The following ANKRD30A variants were observed in gnomAD, a reference collection of about 807,000 sequenced individuals.
The protein encoded by ANKRD30A is ankyrin repeat domain 30A.
A neutral mutation model predicts 166.3 loss-of-function variants in ANKRD30A; 170 were observed. That is an observed-to-expected ratio of 1.02 (90% CI 0.90 to 1.16). The LOEUF is 1.16. ANKRD30A is among the 50% of genes most tolerant of loss of function. The pLI is 0.00. For missense variants in ANKRD30A, 1,630 were observed against 1,518.0 expected (o/e 1.07, Z -1.23); for synonymous variants, 564 against 508.9 (o/e 1.11, Z -1.46).
intron 13 of ANKRD30A, among the ~76,000 whole-genome samples, chr10:37,156,031 A>T (rs112312477): frequency 6.6e-6 from 1 of 152,090 alleles, no homozygotes; most frequent in South Asian, 2.1e-4. Context: ...TAGCGAGCCA[A>T]GATCTCGCCA....
At chr10:37,179,092 C>T (rs112157583) in intron 24 of ANKRD30A, among the ~76,000 whole-genome samples, 10,057 of 122,762 alleles carry the variant, frequency 0.082, 625 homozygotes, top group African/African-American at 0.2. Context: ...ATGTTTTTGA[C>T]GTTCACAATT....
At position 37,219,245 on chromosome 10, in the gene ANKRD30A, T is replaced by C. The variant is rs1197933784; in HGVS notation, c.3533T>C (p.Leu1178Pro). ...LKVLIAENTM[L>P]TSKLKEKQDK... ...GTTCTGATAGCTGAGAACACAATGC[T>C]CACTTCTAAATTGAAGGAAAAACAA... Residue 1178 changes from leucine to proline, a missense_variant, in exon 34 of 36, where the codon CTC becomes CCC. Leu to Pro is a moderately conservative substitution (Grantham distance 98). This residue lies in a region of ANKRD30A where 712 missense variants were observed against 629.3 expected (regional missense o/e 1.13). Transcript: ENST00000361713. 6.2e-6 allele frequency: 10 copies of C among 1,610,680 alleles called. No individual in the cohort carries two copies. Among genetic ancestry groups the C allele is most frequent in the Non-Finnish European group, 7.6e-6 (9 of 1,177,688 alleles).
intron 13 of ANKRD30A, among the ~76,000 whole-genome samples, chr10:37,157,579 G>A (rs1432432526): frequency 1.3e-5 from 2 of 152,054 alleles, no homozygotes; most frequent in African/African-American, 4.8e-5. Context: ...AGTGATTTTG[G>A]CCAGGCTGGT....
the ANKRD30A span, among the ~76,000 whole-genome samples, chr10:37,254,855 TGTGTTTTTAGTAGAGACGGGGCTTCACC>T: frequency 6.6e-6 from 1 of 151,966 alleles, no homozygotes; most frequent in African/African-American, 2.4e-5. Flanking sequence ...GCTAATTTTT[TGTGTTTTTAGTAGAGACGGGGCTTCACC>T]GTGTTAGCCA....
At chr10:37,193,954 G>T (rs1420388912) in intron 27 of ANKRD30A, among the ~76,000 whole-genome samples, 1 of 152,092 alleles carries the variant, frequency 6.6e-6, no homozygotes, top group Non-Finnish European at 1.5e-5. Flanking sequence ...TAGCAGTTTG[G>T]GAGAGAAAGG....
chr10:37,167,932 A>C (rs1220636108), intron 19 of ANKRD30A, among the ~76,000 whole-genome samples: 1 of 113,760 alleles, frequency 8.8e-6, no homozygotes, highest in Non-Finnish European at 1.8e-5. Context: ...AAATTATTAT[A>C]ATGTGTTGCC....
downstream of ANKRD30A, among the ~76,000 whole-genome samples, chr10:37,234,200 G>A (rs540552057): frequency 5.8e-4 from 88 of 152,178 alleles, no homozygotes; most frequent in African/African-American, 2.0e-3. Context: ...AGCTATCATA[G>A]ATAACTACGT....
intron 13 of ANKRD30A, among the ~76,000 whole-genome samples, chr10:37,155,871 G>T (rs1458800884): frequency 6.6e-6 from 1 of 152,044 alleles, no homozygotes; most frequent in Non-Finnish European, 1.5e-5. Context: ...CACAAGGTTA[G>T]GAGATCCAGA....
At chr10:37,243,379 C>T in the ANKRD30A span, among the ~76,000 whole-genome samples, 1 of 151,144 alleles carries the variant, frequency 6.6e-6, no homozygotes, top group African/African-American at 2.4e-5. Flanking sequence ...CTCCTGACCT[C>T]GTGATCCGCC....
At chr10:37,171,672 G>C (rs539738342) in intron 21 of ANKRD30A, among the ~76,000 whole-genome samples, 1 of 151,260 alleles carries the variant, frequency 6.6e-6, no homozygotes, top group East Asian at 1.9e-4. Flanking sequence ...AATGTCTGAA[G>C]TTGCACCTCT....
At chr10:37,192,453 T>C (rs2490110) in intron 25 of ANKRD30A, among the ~76,000 whole-genome samples, 1 of 151,990 alleles carries the variant, frequency 6.6e-6, no homozygotes, top group Non-Finnish European at 1.5e-5. Flanking sequence ...CTCGTATTTC[T>C]CAGAGGTACA....
chr10:37,261,252 A>G, the ANKRD30A span, among the ~76,000 whole-genome samples: 1 of 152,136 alleles, frequency 6.6e-6, no homozygotes, highest in African/African-American at 2.4e-5. Context: ...AAACAAGACA[A>G]GACAGGAAAA....
chr10:37,154,534 CAG>C (rs1444473469), intron 13 of ANKRD30A, among the ~76,000 whole-genome samples: 1 of 151,788 alleles, frequency 6.6e-6, no homozygotes, highest in Non-Finnish European at 1.5e-5. Flanking sequence ...TGTTTTTAGT[CAG>C]GGGAGAAGAA....
rs1290299409 is a variant in ANKRD30A, at chr10:37,219,086, AC to A, written c.3376del (p.Gln1126ArgfsTer14). ...GAAATAGCCACACTGAAACACCAAT[AC>A]CAGGAAAAGGAAAATAAATACTTTG... ...KLEIATLKHQYQEKENKYFED... is the reference protein window; with the variant it reads ...KLEIATLKHQXQEKENKYFED... On this transcript the variant is annotated frameshift_variant, in exon 34 of 36. Transcript: ENST00000361713. LOFTEE classifies it high-confidence loss of function. 1.5e-5 allele frequency: 24 copies of A among 1,608,920 alleles called. No individual in the cohort carries two copies. The highest frequency in any genetic ancestry group is 2.0e-5 in the Non-Finnish European group (24 of 1,176,646).
rs181391673 is a variant in ANKRD30A at position 37,162,561 on chromosome 10, G to A, written c.1901-88G>A. On this transcript the variant is annotated intron_variant, in intron 15 of 35. Coordinates refer to ENST00000361713, the MANE Select transcript of ANKRD30A (RefSeq NM_052997.3). ...ATTCATTCTCCAATTGGAGCAAGAG[G>A]AGTCAGTTAAATACTATCACGGCAT... The A allele has an allele frequency of 3.5e-4, 531 of 1,528,292 alleles. 2 individuals are homozygous for A. The African/African-American group carries it at 6.8e-3, about 19-fold the overall frequency. 94.7% of individuals were successfully genotyped at this position (1,528,292 alleles called of 1,614,324 possible).
At chr10:37,238,018 A>G in the ANKRD30A span, among the ~76,000 whole-genome samples, 1 of 152,230 alleles carries the variant, frequency 6.6e-6, no homozygotes, top group Non-Finnish European at 1.5e-5. Flanking sequence ...AAATATGCAT[A>G]AAATTACCCA....
At position 37,219,336 on chromosome 10, in the gene ANKRD30A, C is replaced by A; in HGVS notation, c.3624C>A (p.Asp1208Glu). The A allele has an allele frequency of 1.2e-6, 2 of 1,610,362 alleles. No individual in the cohort carries two copies. Among genetic ancestry groups the A allele is most frequent in the South Asian group, 1.1e-5 (1 of 90,988 alleles). ...CTAGACTGGCTTCTGCTGTACAAGA[C>A]CATGATCAAATTGTGACATCAAGAA... ...HHPRLASAVQ[D>E]HDQIVTSRKS... is the part of the protein sequence containing the mutation. Residue 1208 changes from aspartate (D) to glutamate (E), a missense_variant, in exon 34 of 36, where the codon GAC (aspartate) becomes GAA (glutamate). Coordinates refer to ENST00000361713, the MANE Select transcript of ANKRD30A (RefSeq NM_052997.3).
chr10:37,153,059 A>T (rs1838074572), intron 12 of ANKRD30A, among the ~76,000 whole-genome samples: 1 of 152,126 alleles, frequency 6.6e-6, no homozygotes. Flanking sequence ...TACCGAAAGG[A>T]AGCAGCTTTT....
the ANKRD30A span, among the ~76,000 whole-genome samples, chr10:37,259,740 A>G: frequency 1.3e-5 from 2 of 152,234 alleles, no homozygotes; most frequent in Admixed American, 1.3e-4. Flanking sequence ...GCCAAACCAA[A>G]AAATACACAT....
Sources: allele counts gnomAD v4.1 joint callset (sites outside exome capture counted in the v4.1 genomes callset), GRCh38; gene constraint gnomAD v4.1.1; regional missense constraint gnomAD v4.1.1; transcripts MANE v1.5; gene names NCBI Gene and HGNC (gene_info 2026-07-23, HGNC 2026-07-21).